PCNX1: variants seen among roughly 807,000 people sequenced by gnomAD.
PCNX1 encodes pecanex-like protein 1.
In PCNX1, 78 loss-of-function variants were observed where a neutral mutation model predicts 242.2. The observed-to-expected ratio is 0.32, with a 90% CI of 0.27 to 0.39. PCNX1 has a LOEUF of 0.39. Among genes scored for constraint, PCNX1 ranks in the 10% least tolerant of loss-of-function variants. PCNX1 has a pLI of 1.00. For synonymous variants in PCNX1, 1,024 were observed against 1,032.9 expected (o/e 0.99, Z 0.17); for missense variants, 2,581 against 2,856.5 (o/e 0.90, Z 2.20).
chr14:71,053,167 T>C (rs765727437), intron 24 of PCNX1: 20 of 413,686 alleles, frequency 4.8e-5, no homozygotes, highest in Non-Finnish European at 8.4e-5. Flanking sequence ...TTTGGTGTTA[T>C]TAATTATTAT....
At chr14:70,913,543 A>G (rs1012888180) in intron 1 of PCNX1, among the ~76,000 whole-genome samples, 1 of 152,238 alleles carries the variant, frequency 6.6e-6, no homozygotes, top group Non-Finnish European at 1.5e-5. Context: ...TGGAGAGATT[A>G]TATTCAGACT....
chr14:70,997,635 C>T (rs544491270), intron 8 of PCNX1, among the ~76,000 whole-genome samples: 7 of 152,072 alleles, frequency 4.6e-5, no homozygotes, highest in Non-Finnish European at 1.0e-4. Flanking sequence ...TGTTAACTGC[C>T]ACCTTAAACT....
chr14:70,953,467 T>C (rs1011895921), intron 2 of PCNX1, among the ~76,000 whole-genome samples: 2 of 151,914 alleles, frequency 1.3e-5, no homozygotes, highest in African/African-American at 2.4e-5. Flanking sequence ...TAATGATTAA[T>C]AGGAATTTTT....
rs1292468933 is a variant in PCNX1 at position 71,110,595 on chromosome 14, T to C, written c.*660T>C. ...TTAAATTGCCTTTGGGATTAGCCCC[T>C]TCCCTTTCCTTATAAACACAGGTAG... On this transcript the variant is annotated 3_prime_UTR_variant, in exon 36 of 36. Transcript: ENST00000304743. 6.6e-6 allele frequency: 1 copy of C among 152,644 alleles called. No individual in the cohort carries two copies. 9.5% of individuals were successfully genotyped at this position (152,644 alleles called of 1,614,324 possible). A position where few individuals can be genotyped will look rare whatever the true frequency, so the allele number is the denominator to read the frequency against.
At chr14:70,922,584 T>A (rs961250142) in intron 1 of PCNX1, among the ~76,000 whole-genome samples, 15 of 152,110 alleles carry the variant, frequency 9.9e-5, no homozygotes, top group African/African-American at 3.6e-4. Flanking sequence ...CTTGGTAGTG[T>A]ATATATACAA....
chr14:70,954,166 A>C (rs1030792844), intron 2 of PCNX1, among the ~76,000 whole-genome samples: 1 of 152,150 alleles, frequency 6.6e-6, no homozygotes, highest in Admixed American at 6.5e-5. Flanking sequence ...TAAGTGGACT[A>C]TCTTTTCCTT....
At chr14:71,088,548 G>A (rs17108977) in intron 29 of PCNX1, 118 bp downstream of exon 29, 354 of 568,928 alleles carry the variant, frequency 6.2e-4, no homozygotes, top group African/African-American at 5.9e-3. Flanking sequence ...GTCTTTTTAG[G>A]TTTTATATTT....
intron 19 of PCNX1, among the ~76,000 whole-genome samples, chr14:71,039,750 C>G (rs779361294): frequency 2.6e-5 from 4 of 152,114 alleles, no homozygotes; most frequent in Non-Finnish European, 5.9e-5. Context: ...CCTAAAACCC[C>G]GAAAAGTCTC....
intron 25 of PCNX1, among the ~76,000 whole-genome samples, chr14:71,056,090 C>T (rs2061174837): frequency 6.6e-6 from 1 of 152,150 alleles, no homozygotes; most frequent in African/African-American, 2.4e-5. Context: ...ATTTGGGAAA[C>T]ATCATTTTAT....
intron 26 of PCNX1, among the ~76,000 whole-genome samples, chr14:71,069,253 C>T (rs2061531721): frequency 6.6e-6 from 1 of 152,138 alleles, no homozygotes; most frequent in South Asian, 2.1e-4. Flanking sequence ...AGCTACAATT[C>T]AAGATCAGAT....
intron 28 of PCNX1, among the ~76,000 whole-genome samples, chr14:71,084,073 T>C (rs2061923382): frequency 6.6e-6 from 1 of 152,192 alleles, no homozygotes; most frequent in African/African-American, 2.4e-5. Context: ...TGCTATTCCT[T>C]TCTGTTTGTT....
intron 5 of PCNX1, among the ~76,000 whole-genome samples, chr14:70,974,490 T>C (rs1412726370): frequency 2.0e-5 from 3 of 152,190 alleles, no homozygotes; most frequent in Admixed American, 6.5e-5. Flanking sequence ...TTTGAAAATG[T>C]TTTTAGTGCC....
At chr14:71,025,039 A>G (rs1368665853) in intron 13 of PCNX1, among the ~76,000 whole-genome samples, 1 of 152,174 alleles carries the variant, frequency 6.6e-6, no homozygotes, top group Non-Finnish European at 1.5e-5. Context: ...TTTAGTATCT[A>G]CTGATGTTTC....
chr14:70,989,869 A>C (rs2059113171), intron 7 of PCNX1, among the ~76,000 whole-genome samples: 1 of 152,220 alleles, frequency 6.6e-6, no homozygotes, highest in Admixed American at 6.5e-5. Flanking sequence ...ATGCCTGCTT[A>C]AGCAGTGCAT....
chr14:70,973,639 G>A (rs1280897751), intron 5 of PCNX1, among the ~76,000 whole-genome samples: 2 of 151,944 alleles, frequency 1.3e-5, no homozygotes, highest in East Asian at 1.9e-4. Context: ...GAGGGATTTC[G>A]ATTTTGTAAG....
At chr14:71,003,226 G>A (rs1430270570) in intron 8 of PCNX1, among the ~76,000 whole-genome samples, 2 of 151,730 alleles carry the variant, frequency 1.3e-5, no homozygotes, top group African/African-American at 4.8e-5. Flanking sequence ...TGGGATTACA[G>A]GTGCGTGCCA....
chr14:71,025,314 C>T (rs1421653475), intron 13 of PCNX1, among the ~76,000 whole-genome samples: 1 of 152,154 alleles, frequency 6.6e-6, no homozygotes, highest in Non-Finnish European at 1.5e-5. Flanking sequence ...GTCCTTTTGA[C>T]ATATCTCTGT....
intron 29 of PCNX1, among the ~76,000 whole-genome samples, chr14:71,088,677 T>A (rs576775080): frequency 3.4e-3 from 523 of 152,306 alleles, no homozygotes; most frequent in African/African-American, 0.012. Context: ...TTAAGACATT[T>A]TAAAATACAA....
intron 28 of PCNX1, among the ~76,000 whole-genome samples, chr14:71,081,499 G>A (rs550553672): frequency 2.0e-5 from 3 of 152,198 alleles, no homozygotes; most frequent in South Asian, 2.1e-4. Flanking sequence ...GTCTGATCCC[G>A]GGCTTTTTTT....
Sources: allele counts gnomAD v4.1 joint callset (sites outside exome capture counted in the v4.1 genomes callset), GRCh38; gene constraint gnomAD v4.1.1; transcripts MANE v1.5; gene names NCBI Gene and HGNC (gene_info 2026-07-23, HGNC 2026-07-21).